Variants in JAK2 observed in about 807,000 individuals in gnomAD.
The protein encoded by JAK2 is Janus kinase 2, also known as tyrosine-protein kinase JAK2.
JAK2 carries 86 observed loss-of-function variants against 139.3 expected under a neutral mutation model. The ratio of observed to expected loss-of-function variants is 0.62; its 90% CI spans 0.52 to 0.74. JAK2 has a LOEUF of 0.74. Ranked by LOEUF, JAK2 falls within the 30% of genes least tolerant of loss-of-function variation. The pLI, the probability that JAK2 is intolerant of heterozygous loss-of-function variation, is 0.00. For missense variants in JAK2, 1,421 were observed against 1,360.3 expected (o/e 1.04, Z -0.70); for synonymous variants, 490 against 437.7 (o/e 1.12, Z -1.49).
intron 19 of JAK2, among the ~76,000 whole-genome samples, chr9:5,088,774 G>T (rs1013741225): frequency 6.6e-6 from 1 of 152,216 alleles, no homozygotes; most frequent in African/African-American, 2.4e-5. Flanking sequence ...TCACATGGGA[G>T]AGAGAGATTG....
intron 3 of JAK2, among the ~76,000 whole-genome samples, chr9:5,025,187 A>G (rs1822703991): frequency 6.6e-6 from 1 of 151,852 alleles, no homozygotes; most frequent in African/African-American, 2.4e-5. Context: ...GGAACTACCT[A>G]CTCCACCATT....
intron 18 of JAK2, among the ~76,000 whole-genome samples, chr9:5,080,965 G>A (rs1260700930): frequency 1.4e-5 from 2 of 142,404 alleles, no homozygotes; most frequent in Non-Finnish European, 3.0e-5. Flanking sequence ...GCGCGATCTC[G>A]GCTCACTGCA....
Position 5,128,043 on chromosome 9 carries a change from C to T in JAK2, c.*1252C>T, listed in dbSNP as rs1302011062. On this transcript the variant is annotated 3_prime_UTR_variant, in exon 25 of 25. Transcript: ENST00000381652. Reference sequence around the variant, plus strand: ...TGTCATTTGTTATAGTGCTACTCCACTTTAGACACCATAGCTAAAATAAAA... The same window carrying T: ...TGTCATTTGTTATAGTGCTACTCCATTTTAGACACCATAGCTAAAATAAAA... 4.3e-6 allele frequency: 1 copy of T among 231,424 alleles called. No homozygotes were observed. Among genetic ancestry groups the T allele is most frequent in the East Asian group, 6.0e-5 (1 of 16,582 alleles). The allele number at this position is 231,424 out of a possible 1,614,324, so 14.3% of individuals were successfully genotyped here. A position where few individuals can be genotyped will look rare whatever the true frequency, so the allele number is the denominator to read the frequency against.
Position 5,054,492 on chromosome 9 carries a change from T to C in JAK2, c.615-71T>C. ...TCATGGAAAAAGGTGGTAACTTCTT[T>C]TTCAATTTTTAGATTTATCTTCCAA... is the stretch of plus-strand genomic sequence containing the variant. On this transcript the variant is annotated intron_variant, in intron 6 of 24. Transcript: ENST00000381652. The surrounding 1 kb of genome is among the most constrained non-coding windows in gnomAD (Gnocchi z 4.9). The C allele has an allele frequency of 9.7e-6, 13 of 1,335,420 alleles. No homozygotes were observed. Among genetic ancestry groups the C allele is most frequent in the Non-Finnish European group, 1.3e-5 (13 of 971,000 alleles). The allele number at this position is 1,335,420 out of a possible 1,614,324, so 82.7% of individuals were successfully genotyped here.
intron 2 of JAK2, among the ~76,000 whole-genome samples, chr9:4,996,707 C>G (rs1048514722): frequency 6.6e-6 from 1 of 151,806 alleles, no homozygotes; most frequent in African/African-American, 2.4e-5. Context: ...CACCCCTACC[C>G]CTCCCTGCCA....
At chr9:5,008,606 A>G (rs910163876) in intron 2 of JAK2, among the ~76,000 whole-genome samples, 1 of 152,218 alleles carries the variant, frequency 6.6e-6, no homozygotes, top group African/African-American at 2.4e-5. Flanking sequence ...TGATTTTTAT[A>G]TGTGTGGGTA....
intron 22 of JAK2, among the ~76,000 whole-genome samples, chr9:5,119,006 C>G (rs182178019): frequency 4.0e-4 from 61 of 152,188 alleles, no homozygotes; most frequent in Admixed American, 2.0e-3. Context: ...CTTGTTTAAA[C>G]TAATACATTC....
In JAK2 at chr9:5,073,681, CTTTT is replaced by C; in HGVS notation, c.1777-10_1777-7del. 2.1e-6 allele frequency: 3 copies of C among 1,425,798 alleles called. No individual in the cohort carries two copies. In the South Asian group the frequency reaches 3.7e-5, roughly 18 times the overall value. 88.3% of individuals were successfully genotyped at this position (1,425,798 alleles called of 1,614,324 possible). A position where few individuals can be genotyped will look rare whatever the true frequency, so the allele number is the denominator to read the frequency against. ...AACAGTCAAACAACAATTCTTTGTACTTTTTTTTTTCCTTAGTCTTTCTTTGAAG... is the reference window on the plus strand; with the variant it reads ...AACAGTCAAACAACAATTCTTTGTACTTTTTTCCTTAGTCTTTCTTTGAAG... On this transcript the variant is annotated splice_polypyrimidine_tract_variant and intron_variant, in intron 13 of 24. Coordinates refer to ENST00000381652, the MANE Select transcript of JAK2 (RefSeq NM_004972.4).
intron 22 of JAK2, chr9:5,110,556 T>TTGG (rs781381555): frequency 2.4e-4 from 41 of 170,082 alleles, no homozygotes; most frequent in African/African-American, 4.8e-5. Flanking sequence ...ATTCAAGACT[T>TTGG]TACCCTTCAC....
At chr9:5,101,809 CCTGA>C (rs1275791308) in intron 22 of JAK2, among the ~76,000 whole-genome samples, 1 of 152,134 alleles carries the variant, frequency 6.6e-6, no homozygotes, top group Non-Finnish European at 1.5e-5. Context: ...AGCTGAGGGA[CCTGA>C]CTGTTAGAAA....
chr9:4,989,249 A>G (rs1039626973), intron 2 of JAK2, among the ~76,000 whole-genome samples: 7 of 152,172 alleles, frequency 4.6e-5, no homozygotes, highest in African/African-American at 1.7e-4. Context: ...ATAATAAGCT[A>G]TGCTTCTTCT....
At position 5,087,474 on chromosome 9, in the gene JAK2, A is replaced by ACTAGTAGTTCTTTTACT. The variant is rs146226026; in HGVS notation, c.2572-2198_2572-2197insAGTAGTTCTTTTACTCT. Among the ~76,000 whole-genome samples the ACTAGTAGTTCTTTTACT allele has an allele frequency of 2.0e-5, 3 of 151,540 alleles. 1 individual carries two copies. Among genetic ancestry groups the ACTAGTAGTTCTTTTACT allele is most frequent in the Admixed American group, 2.0e-4 (3 of 15,230 alleles). ...GGTGAGGACAATGCCAAACCATATCACTCCCTTACTTGATTTCTTTCCTGG... is the reference window on the plus strand; with the variant it reads ...GGTGAGGACAATGCCAAACCATATCACTAGTAGTTCTTTTACTCTCCCTTACTTGATTTCTTTCCTGG... On this transcript the variant is annotated intron_variant, in intron 19 of 24. Coordinates refer to ENST00000381652, the MANE Select transcript of JAK2 (RefSeq NM_004972.4).
intron 4 of JAK2, among the ~76,000 whole-genome samples, chr9:5,038,752 A>G (rs1816264898): frequency 6.6e-6 from 1 of 152,080 alleles, no homozygotes; most frequent in African/African-American, 2.4e-5. Context: ...AGCATTTCGG[A>G]TTTCAGATTT....
intron 22 of JAK2, among the ~76,000 whole-genome samples, chr9:5,116,879 G>C (rs977362836): frequency 6.6e-6 from 1 of 152,200 alleles, no homozygotes; most frequent in Admixed American, 6.5e-5. Context: ...TGCAATAAGT[G>C]TAAGTGCAAT....
At chr9:5,029,952 T>G in intron 4 of JAK2, 46 bp downstream of exon 4, 1 of 1,509,566 alleles carries the variant, frequency 6.6e-7, no homozygotes, top group Non-Finnish European at 8.9e-7. Context: ...AAAGGCAAAA[T>G]GGGAGAAATT....
intron 2 of JAK2, among the ~76,000 whole-genome samples, chr9:5,015,742 A>G (rs557013746): frequency 1.8e-4 from 27 of 152,300 alleles, no homozygotes; most frequent in African/African-American, 6.3e-4. Context: ...CAAAGCATCA[A>G]TGCATTTTCT....
rs75871794 is a variant in JAK2 at position 5,049,892 on chromosome 9, C to T, written c.469-794C>T. ...AATATTGTAGGCACTTGTAACACAA[C>T]GGTAAGTATTTGTGTAGTTAAACAT... On this transcript the variant is annotated intron_variant, in intron 5 of 24. Transcript: ENST00000381652. Among the ~76,000 whole-genome samples, 859 of 152,084 alleles carry T rather than the reference C, an allele frequency of 5.6e-3. 10 individuals carry two copies. The highest frequency in any genetic ancestry group is 0.02 in the African/African-American group (814 of 41,490).
At chr9:5,086,931 C>A (rs1586764721) in intron 19 of JAK2, among the ~76,000 whole-genome samples, 1 of 152,240 alleles carries the variant, frequency 6.6e-6, no homozygotes, top group East Asian at 1.9e-4. Context: ...TATATCACCC[C>A]CCCTTCCCTT....
In JAK2 at chr9:5,065,043, G is replaced by A. The variant is rs2130493956; in HGVS notation, c.1214+3G>A. ...AGCAACTGTCATGGCCCAATTTCGT[G>A]AGTAATACAGACTTAAAAGTAAATT... On this transcript the variant is annotated splice_donor_region_variant and intron_variant, in intron 9 of 24. Transcript: ENST00000381652. 6.5e-7 allele frequency: 1 copy of A among 1,545,286 alleles called. No individual in the cohort carries two copies. Among genetic ancestry groups the A allele is most frequent in the Non-Finnish European group, 8.7e-7 (1 of 1,147,574 alleles).
Sources: gnomAD v4.1 joint callset for allele counts (sites outside exome capture counted in the v4.1 genomes callset) on GRCh38, gnomAD v4.1.1 for gene constraint, Gnocchi (gnomAD v3.1) non-coding constraint, MANE v1.5 for transcripts, NCBI Gene and HGNC (gene_info 2026-07-23, HGNC 2026-07-21) for gene names.